CSNK2A2IP: variants seen among roughly 807,000 people sequenced by gnomAD.
The protein encoded by CSNK2A2IP is casein kinase II subunit alpha'-interacting protein.
the CSNK2A2IP span, among the ~76,000 whole-genome samples, chr3:88,394,406 C>T: frequency 1.5e-3 from 221 of 152,228 alleles, 1 homozygote; most frequent in African/African-American, 4.9e-3. Flanking sequence ...CAGTTTTGCT[C>T]TTGTTGCCCA....
the CSNK2A2IP span, among the ~76,000 whole-genome samples, chr3:88,459,857 A>G: frequency 2.6e-5 from 4 of 152,054 alleles, no homozygotes; most frequent in Non-Finnish European, 4.4e-5. Flanking sequence ...ATATAACATC[A>G]TTGTTTTTTT....
chr3:88,416,489 A>G, the CSNK2A2IP span, among the ~76,000 whole-genome samples: 1 of 152,190 alleles, frequency 6.6e-6, no homozygotes, highest in African/African-American at 2.4e-5. Flanking sequence ...GAACCTTCAG[A>G]TAAACAGATC....
the CSNK2A2IP span, among the ~76,000 whole-genome samples, chr3:88,426,090 A>C: frequency 6.6e-6 from 1 of 152,220 alleles, no homozygotes; most frequent in African/African-American, 2.4e-5. Flanking sequence ...TTAAGTAAAA[A>C]TAGTCTTTTC....
the CSNK2A2IP span, among the ~76,000 whole-genome samples, chr3:88,339,276 T>A: frequency 6.6e-6 from 1 of 151,924 alleles, no homozygotes; most frequent in Non-Finnish European, 1.5e-5. Flanking sequence ...CATTTTTTTT[T>A]TAGCTCCCAT....
chr3:88,442,804 T>C, the CSNK2A2IP span, among the ~76,000 whole-genome samples: 2 of 152,056 alleles, frequency 1.3e-5, no homozygotes, highest in African/African-American at 2.4e-5. Context: ...ATCCCTGTTT[T>C]ACAGTGCCTT....
At chr3:88,455,676 C>T in the CSNK2A2IP span, among the ~76,000 whole-genome samples, 2 of 151,488 alleles carry the variant, frequency 1.3e-5, no homozygotes, top group East Asian at 3.9e-4. Context: ...TTGATTGTTT[C>T]CTTTGTTATG....
the CSNK2A2IP span, among the ~76,000 whole-genome samples, chr3:88,389,757 T>C: frequency 1.8e-4 from 28 of 151,694 alleles, no homozygotes; most frequent in Middle Eastern, 3.4e-3. Context: ...GAGCCAACAG[T>C]GGCAATGTAT....
At chr3:88,395,988 A>C in the CSNK2A2IP span, among the ~76,000 whole-genome samples, 2 of 152,128 alleles carry the variant, frequency 1.3e-5, no homozygotes, top group African/African-American at 2.4e-5. Context: ...TCCTGGAGTT[A>C]CCATGATTAG....
At chr3:88,404,856 A>G in the CSNK2A2IP span, among the ~76,000 whole-genome samples, 1 of 122,558 alleles carries the variant, frequency 8.2e-6, no homozygotes, top group African/African-American at 2.7e-5. Flanking sequence ...ACCTTCTACC[A>G]GTCTATCTGT....
At chr3:88,386,312 G>A in the CSNK2A2IP span, among the ~76,000 whole-genome samples, 1 of 152,088 alleles carries the variant, frequency 6.6e-6, no homozygotes, top group Non-Finnish European at 1.5e-5. Flanking sequence ...TTTTAGTAGA[G>A]ACAGGGTTTC....
At chr3:88,400,045 A>G in the CSNK2A2IP span, among the ~76,000 whole-genome samples, 4 of 152,218 alleles carry the variant, frequency 2.6e-5, no homozygotes, top group African/African-American at 9.6e-5. Flanking sequence ...ATGATATTTG[A>G]GAGTAGAAAA....
At chr3:88,381,755 G>C in the CSNK2A2IP span, among the ~76,000 whole-genome samples, 15,797 of 152,218 alleles carry the variant, frequency 0.1, 1,289 homozygotes, top group Admixed American at 0.27. Context: ...GGAAGACCAG[G>C]TGTGAGATTC....
the CSNK2A2IP span, among the ~76,000 whole-genome samples, chr3:88,418,179 T>G: frequency 1.3e-5 from 2 of 152,122 alleles, no homozygotes; most frequent in Admixed American, 6.5e-5. Flanking sequence ...GAATCAGAAT[T>G]TATTGGTAAT....
the CSNK2A2IP span, among the ~76,000 whole-genome samples, chr3:88,437,929 T>C: frequency 1.2e-4 from 18 of 152,180 alleles, no homozygotes; most frequent in African/African-American, 4.3e-4. Flanking sequence ...CTGAACTCTC[T>C]ATTATCCTAG....
the CSNK2A2IP span, among the ~76,000 whole-genome samples, chr3:88,445,948 C>T: frequency 7.6e-3 from 774 of 102,444 alleles, 34 homozygotes; most frequent in African/African-American, 0.023. Context: ...CTTTCTTTCT[C>T]TCTCTCTCTC....
At chr3:88,355,606 A>G in the CSNK2A2IP span, among the ~76,000 whole-genome samples, 2 of 152,182 alleles carry the variant, frequency 1.3e-5, no homozygotes, top group African/African-American at 4.8e-5. Context: ...TTCAGTTAAA[A>G]TACTTTCTAA....
chr3:88,446,039 TTTC>T, the CSNK2A2IP span, among the ~76,000 whole-genome samples: 2 of 15,498 alleles, frequency 1.3e-4, no homozygotes, highest in African/African-American at 4.7e-4. Context: ...CTTTTCTTTC[TTTC>T]TTTCTTTCTT....
chr3:88,390,899 T>C, the CSNK2A2IP span, among the ~76,000 whole-genome samples: 3 of 152,334 alleles, frequency 2.0e-5, no homozygotes, highest in East Asian at 3.9e-4. Flanking sequence ...TTTTATTTTA[T>C]AGATCCTACC....
chr3:88,415,964 T>C, the CSNK2A2IP span, among the ~76,000 whole-genome samples: 2 of 151,900 alleles, frequency 1.3e-5, no homozygotes, highest in Non-Finnish European at 2.9e-5. Context: ...CTTTGTTCTC[T>C]AGAAGGCTTA....
Sources: gnomAD v4.1 joint callset for allele counts (sites outside exome capture counted in the v4.1 genomes callset) on GRCh38, gnomAD v4.1.1 for gene constraint, MANE v1.5 for transcripts, NCBI Gene and HGNC (gene_info 2026-07-23, HGNC 2026-07-21) for gene names.